The following ATP6V0A4 variants were observed in gnomAD, a reference collection of about 807,000 sequenced individuals.
ATP6V0A4 encodes the protein V-type proton ATPase 116 kDa subunit a 4.
In ATP6V0A4, 86 loss-of-function variants were observed where a neutral mutation model predicts 107.3. The ratio of observed to expected loss-of-function variants is 0.80; its 90% CI spans 0.67 to 0.96. The LOEUF (loss-of-function observed/expected upper bound fraction) is 0.96. ATP6V0A4 is among the 40% of genes least tolerant of loss of function. The pLI is 0.00. For missense variants in ATP6V0A4, 908 were observed against 1,045.6 expected, an observed-to-expected ratio of 0.87 and a Z score of 1.81; for synonymous variants, 353 against 381.4, an observed-to-expected ratio of 0.93 and a Z score of 0.87.
At chr7:138,790,458 C>A (rs949028049) in intron 1 of ATP6V0A4, among the ~76,000 whole-genome samples, 1 of 152,064 alleles carries the variant, frequency 6.6e-6, no homozygotes, top group African/African-American at 2.4e-5. Context: ...CCAGGACTGG[C>A]TAATTTTTGT....
In ATP6V0A4 at chr7:138,717,580, C is replaced by T. The variant is rs116000689; in HGVS notation, c.2140-1699G>A. The stretch of plus-strand genomic sequence containing the variant: ...AGAAAAAGAAAAGAAAAGAAAGAGG[C>T]GCTCCCAGCCTTGGGAAACATCTTC... On this transcript the variant is annotated intron_variant, in intron 19 of 21. Coordinates refer to ENST00000310018, the MANE Select transcript of ATP6V0A4 (RefSeq NM_020632.3). 3.7e-3 allele frequency among the ~76,000 whole-genome samples: 560 copies of T among 151,392 alleles called. 4 individuals are homozygous for T. Among genetic ancestry groups the T allele is most frequent in the African/African-American group, 0.012 (514 of 41,290 alleles).
intron 8 of ATP6V0A4, among the ~76,000 whole-genome samples, chr7:138,757,262 TC>T (rs1360251306): frequency 6.6e-6 from 1 of 152,148 alleles, no homozygotes; most frequent in Non-Finnish European, 1.5e-5. Context: ...ACACCTGTAA[TC>T]CCAGCACTTT....
chr7:138,770,485 C>T (rs1272554488), intron 3 of ATP6V0A4, among the ~76,000 whole-genome samples: 1 of 152,208 alleles, frequency 6.6e-6, no homozygotes, highest in Non-Finnish European at 1.5e-5. Flanking sequence ...CTGCCTCATA[C>T]GAGGTCCTGT....
chr7:138,790,420 G>A (rs1808358194), intron 1 of ATP6V0A4, among the ~76,000 whole-genome samples: 1 of 152,072 alleles, frequency 6.6e-6, no homozygotes, highest in Non-Finnish European at 1.5e-5. Flanking sequence ...CCAGTCTCCT[G>A]AGTAGCTGGG....
chr7:138,712,661 G>A (rs1484565561), intron 20 of ATP6V0A4, among the ~76,000 whole-genome samples: 2 of 152,114 alleles, frequency 1.3e-5, no homozygotes, highest in African/African-American at 2.4e-5. Flanking sequence ...TGGAAGCCAC[G>A]TCTAGCAGGG....
chr7:138,749,344 G>T, intron 11 of ATP6V0A4, 27 bp from the exon 12 acceptor site: 2 of 1,602,944 alleles, frequency 1.2e-6, no homozygotes, highest in Non-Finnish European at 1.7e-6. Context: ...AAGCGACAAA[G>T]ATGTAAGGAG....
intron 2 of ATP6V0A4, among the ~76,000 whole-genome samples, chr7:138,775,184 G>C (rs2117347989): frequency 6.6e-6 from 1 of 152,146 alleles, no homozygotes; most frequent in African/African-American, 2.4e-5. Context: ...CAAAAGTACA[G>C]CAAATAGTAC....
intron 10 of ATP6V0A4, among the ~76,000 whole-genome samples, chr7:138,753,879 G>GCAT (rs1806369296): frequency 6.6e-6 from 1 of 152,150 alleles, no homozygotes; most frequent in African/African-American, 2.4e-5. Flanking sequence ...ATATGCCTCA[G>GCAT]CATCAGACAG....
intron 11 of ATP6V0A4, among the ~76,000 whole-genome samples, chr7:138,749,536 C>G (rs1806126038): frequency 6.6e-6 from 1 of 152,044 alleles, no homozygotes; most frequent in Non-Finnish European, 1.5e-5. Flanking sequence ...AGAATTGAGT[C>G]CCTCTGGAGT....
At chr7:138,788,015 A>C (rs908092922) in intron 1 of ATP6V0A4, among the ~76,000 whole-genome samples, 1 of 152,144 alleles carries the variant, frequency 6.6e-6, no homozygotes, top group Non-Finnish European at 1.5e-5. Context: ...CGGAAAAAGA[A>C]AAAAAGAGAA....
At chr7:138,762,199 TG>T in intron 7 of ATP6V0A4, 140 bp downstream of exon 7, 2 of 1,085,360 alleles carry the variant, frequency 1.8e-6, no homozygotes, top group African/African-American at 1.6e-5. Flanking sequence ...AAGTTACATA[TG>T]GGTCTATCGC....
chr7:138,721,974 TATC>T lies in ATP6V0A4; in HGVS notation c.2059_2061del (p.Asp687del). ...CCAGAACGGCTAGAAGGGCTGGAGC[TATC>T]ACCTTCAATGTTCTCAGTGGCATCT... On this transcript the variant is annotated inframe_deletion, in exon 19 of 22. Coordinates refer to ENST00000310018, the MANE Select transcript of ATP6V0A4 (RefSeq NM_020632.3). 1 of 1,614,148 alleles carries T rather than the reference TATC, an allele frequency of 6.2e-7. No homozygotes were observed. Among genetic ancestry groups the T allele is most frequent in the South Asian group, 1.1e-5 (1 of 91,082 alleles).
chr7:138,777,348 C>A (rs1807707214), intron 2 of ATP6V0A4, among the ~76,000 whole-genome samples: 1 of 152,030 alleles, frequency 6.6e-6, no homozygotes, highest in African/African-American at 2.4e-5. Flanking sequence ...GGCGCGGTGG[C>A]TCACGCCTGT....
intron 11 of ATP6V0A4, among the ~76,000 whole-genome samples, chr7:138,751,589 T>A (rs1279683926): frequency 4.6e-5 from 7 of 151,506 alleles, no homozygotes; most frequent in Non-Finnish European, 1.0e-4. Context: ...CATGCCTCCG[T>A]GTCCCTTTCT....
At chr7:138,784,265 T>C (rs1311134918) in intron 2 of ATP6V0A4, among the ~76,000 whole-genome samples, 13,960 of 52,700 alleles carry the variant, frequency 0.26, 1,305 homozygotes, top group African/African-American at 0.38. Flanking sequence ...TATATATATA[T>C]ACATATATAT....
intron 2 of ATP6V0A4, among the ~76,000 whole-genome samples, chr7:138,771,995 G>A (rs181411021): frequency 1.4e-3 from 215 of 152,276 alleles, no homozygotes; most frequent in African/African-American, 4.8e-3. Context: ...TCATGCACTC[G>A]AATGTCACTC....
intron 14 of ATP6V0A4, 73 bp from the exon 15 acceptor site, chr7:138,739,706 C>T: frequency 6.3e-7 from 1 of 1,580,520 alleles, no homozygotes; most frequent in South Asian, 1.1e-5. Flanking sequence ...TACCACCAGT[C>T]ACGAACTTGC....
At chr7:138,791,545 AC>A (rs1808413097) in intron 1 of ATP6V0A4, among the ~76,000 whole-genome samples, 1 of 152,240 alleles carries the variant, frequency 6.6e-6, no homozygotes, top group African/African-American at 2.4e-5. Context: ...ACTGCTGAAA[AC>A]CAAAGGCAAA....
chr7:138,720,278 A>G lies in ATP6V0A4; in HGVS notation c.2139+1619T>C, dbSNP rs77941969. Among the ~76,000 whole-genome samples the G allele has an allele frequency of 3.5e-3, 531 of 152,246 alleles. 2 individuals are homozygous for G. Among genetic ancestry groups the G allele is most frequent in the African/African-American group, 0.013 (522 of 41,558 alleles). On this transcript the variant is annotated intron_variant, in intron 19 of 21. Coordinates refer to ENST00000310018, the MANE Select transcript of ATP6V0A4 (RefSeq NM_020632.3). ...CAAGCAAGGAACTTGAAAGAGAAAC[A>G]GGGGGAGGCACACATTTGCCTGGAG... is the stretch of plus-strand genomic sequence containing the variant.
Sources: gnomAD v4.1 joint callset for allele counts (sites outside exome capture counted in the v4.1 genomes callset) on GRCh38, gnomAD v4.1.1 for gene constraint, MANE v1.5 for transcripts, NCBI Gene and HGNC (gene_info 2026-07-23, HGNC 2026-07-21) for gene names.